The following COL9A1 variants were observed in gnomAD, a reference collection of about 807,000 sequenced individuals.
The protein encoded by COL9A1 is collagen type IX alpha 1 chain.
In COL9A1, 104 loss-of-function variants were observed where a neutral mutation model predicts 142.6. That is an observed-to-expected ratio of 0.73 (90% CI 0.62 to 0.86). The LOEUF (loss-of-function observed/expected upper bound fraction) is 0.86, where lower values mean the gene tolerates loss of function less well. Ranked by LOEUF, COL9A1 falls within the 40% of genes least tolerant of loss-of-function variation. The pLI is 0.00. For missense variants in COL9A1, 1,210 were observed against 1,176.6 expected, an observed-to-expected ratio of 1.03 and a Z score of -0.42; for synonymous variants, 466 against 396.0, an observed-to-expected ratio of 1.18 and a Z score of -2.10.
At chr6:70,241,289 A>G in intron 31 of COL9A1, 130 bp downstream of exon 31, 1 of 789,552 alleles carries the variant, frequency 1.3e-6, no homozygotes, top group Non-Finnish European at 2.3e-6. Context: ...TTCACTCACT[A>G]TGAACACATT....
chr6:70,287,353 T>C (rs1773496799), intron 5 of COL9A1, among the ~76,000 whole-genome samples: 1 of 152,170 alleles, frequency 6.6e-6, no homozygotes, highest in South Asian at 2.1e-4. Context: ...TGAAAGACTT[T>C]TTTTGCAAAA....
intron 28 of COL9A1, 118 bp downstream of exon 28, chr6:70,252,002 G>T: frequency 9.5e-7 from 1 of 1,048,782 alleles, no homozygotes; most frequent in Non-Finnish European, 1.5e-6. Flanking sequence ...TGTGTGTCTT[G>T]GACTAGCATG....
At position 70,268,789 on chromosome 6, in the gene COL9A1, A is replaced by C; in HGVS notation, c.1287+15T>G. 1 of 1,611,312 alleles carries C rather than the reference A, an allele frequency of 6.2e-7. No homozygotes were observed. Among genetic ancestry groups the C allele is most frequent in the Admixed American group, 1.7e-5 (1 of 60,006 alleles). On this transcript the variant is annotated intron_variant, in intron 17 of 37. Coordinates refer to ENST00000357250, the MANE Select transcript of COL9A1 (RefSeq NM_001851.6). ...GTGGATAATACTCTTAAAATACTGG[A>C]AGTTATTCTCTTACCCTCATGCCTG...
At chr6:70,293,442 G>C (rs1773726004) in intron 5 of COL9A1, among the ~76,000 whole-genome samples, 1 of 152,078 alleles carries the variant, frequency 6.6e-6, no homozygotes, top group African/African-American at 2.4e-5. Context: ...GATCTCTGCA[G>C]TAAAATCATG....
chr6:70,247,640 A>T (rs1030636967), intron 28 of COL9A1, among the ~76,000 whole-genome samples: 2 of 152,240 alleles, frequency 1.3e-5, no homozygotes, highest in Non-Finnish European at 2.9e-5. Context: ...TGCTTTTATA[A>T]ACCCATTTTC....
At chr6:70,301,393 T>A (rs535169861) in intron 2 of COL9A1, among the ~76,000 whole-genome samples, 2 of 152,060 alleles carry the variant, frequency 1.3e-5, no homozygotes, top group African/African-American at 4.8e-5. Flanking sequence ...CTGACCAACA[T>A]GGTGAAAGCC....
chr6:70,247,809 AT>A (rs899947044), intron 28 of COL9A1, among the ~76,000 whole-genome samples: 3 of 152,184 alleles, frequency 2.0e-5, no homozygotes, highest in African/African-American at 7.2e-5. Flanking sequence ...GAAAAAAAAA[AT>A]CTGTCCAAAC....
chr6:70,263,599 A>T (rs1245448164), intron 18 of COL9A1, among the ~76,000 whole-genome samples: 1 of 151,992 alleles, frequency 6.6e-6, no homozygotes, highest in Non-Finnish European at 1.5e-5. Context: ...AGAGACAAAG[A>T]TATCAAGAAA....
At chr6:70,287,271 AT>A (rs912606623) in intron 5 of COL9A1, among the ~76,000 whole-genome samples, 1 of 151,172 alleles carries the variant, frequency 6.6e-6, no homozygotes, top group East Asian at 1.9e-4. Context: ...TAGACATCCG[AT>A]TTTTTTTTCA....
intron 28 of COL9A1, chr6:70,245,723 G>T (rs887565120): frequency 6.6e-6 from 1 of 152,272 alleles, no homozygotes; most frequent in African/African-American, 2.4e-5. Context: ...GGGAGGCCGA[G>T]GTGGGTGGAT....
chr6:70,302,049 AC>A lies in COL9A1; in HGVS notation c.39del (p.Cys14AlafsTer46). 1 of 1,612,024 alleles carries A rather than the reference AC, an allele frequency of 6.2e-7. No individual in the cohort carries two copies. Among genetic ancestry groups the A allele is most frequent in the Non-Finnish European group, 8.5e-7 (1 of 1,179,214 alleles). ...TCWKIPVFFF[V>X]CSFLEPWASA... is the part of the protein sequence containing the mutation. The stretch of plus-strand genomic sequence containing the variant: ...GATGCCCAGGGTTCCAGGAAACTGC[AC>A]ACAAAGAAGAAAACTGGAATTTTCC... On this transcript the variant is annotated frameshift_variant, in exon 2 of 38. Transcript: ENST00000357250. LOFTEE classifies it high-confidence loss of function.
intron 18 of COL9A1, among the ~76,000 whole-genome samples, chr6:70,265,793 C>G (rs973385295): frequency 1.3e-5 from 2 of 151,964 alleles, no homozygotes; most frequent in Non-Finnish European, 2.9e-5. Flanking sequence ...GAAAATTGGT[C>G]TATTTATCCT....
At chr6:70,271,074 T>G (rs1772368779) in intron 14 of COL9A1, among the ~76,000 whole-genome samples, 1 of 152,212 alleles carries the variant, frequency 6.6e-6, no homozygotes. Flanking sequence ...TTGCAAACAG[T>G]AAGCACATGT....
At chr6:70,253,222 G>A (rs962040911) in intron 26 of COL9A1, 163 bp downstream of exon 26, 48 of 539,526 alleles carry the variant, frequency 8.9e-5, no homozygotes, top group African/African-American at 8.8e-4. Context: ...CTGTAGCTAG[G>A]AAAAAGATTA....
chr6:70,261,750 TACTG>T (rs1771704965), intron 19 of COL9A1, among the ~76,000 whole-genome samples: 1 of 152,236 alleles, frequency 6.6e-6, no homozygotes, highest in East Asian at 1.9e-4. Context: ...GTAGCTCATT[TACTG>T]ACTCTAAAGT....
intron 10 of COL9A1, among the ~76,000 whole-genome samples, chr6:70,278,196 A>T: frequency 6.6e-6 from 1 of 152,162 alleles, no homozygotes; most frequent in East Asian, 1.9e-4. Context: ...ATTCTTCTTG[A>T]TCGGTGACTT....
At chr6:70,270,570 G>A (rs933530848) in intron 14 of COL9A1, among the ~76,000 whole-genome samples, 10 of 152,156 alleles carry the variant, frequency 6.6e-5, no homozygotes, top group African/African-American at 1.7e-4. Context: ...CAGTCTCACC[G>A]AGGTAATAAA....
At position 70,262,494 on chromosome 6, in the gene COL9A1, T is replaced by C. The variant is rs111272449; in HGVS notation, c.1395+750A>G. Reference sequence around the variant, plus strand: ...CAGGTGAATGGTGTTCCTGTGTTTGTCTTCAATTCATCAGTTTCTAAGAAT... The same window carrying C: ...CAGGTGAATGGTGTTCCTGTGTTTGCCTTCAATTCATCAGTTTCTAAGAAT... On this transcript the variant is annotated intron_variant, in intron 19 of 37. Transcript: ENST00000357250. Among the ~76,000 whole-genome samples the C allele has an allele frequency of 1.9e-3, 290 of 152,358 alleles. 1 individual carries two copies. Among genetic ancestry groups the C allele is most frequent in the African/African-American group, 6.6e-3 (276 of 41,578 alleles).
chr6:70,270,271 G>T (rs759808339), intron 15 of COL9A1, 43 bp downstream of exon 15: 4 of 1,584,048 alleles, frequency 2.5e-6, no homozygotes, highest in Non-Finnish European at 3.5e-6. Flanking sequence ...TTTCAACCCT[G>T]ACTCTCAGAC....
Sources: gnomAD v4.1 joint callset for allele counts (sites outside exome capture counted in the v4.1 genomes callset) on GRCh38, gnomAD v4.1.1 for gene constraint, MANE v1.5 for transcripts, NCBI Gene and HGNC (gene_info 2026-07-23, HGNC 2026-07-21) for gene names.